MPRIP: variants seen among roughly 807,000 people sequenced by gnomAD.
The protein encoded by MPRIP is myosin phosphatase Rho-interacting protein.
MPRIP carries 59 observed loss-of-function variants against 234.9 expected under a neutral mutation model. The observed-to-expected ratio is 0.25, with a 90% CI of 0.20 to 0.31. The LOEUF is 0.31. MPRIP is among the 10% of genes least tolerant of loss of function. The pLI is 1.00. For synonymous variants in MPRIP, 1,144 were observed against 1,263.9 expected (o/e 0.91, Z 2.01); for missense variants, 2,436 against 3,071.0 (o/e 0.79, Z 4.89).
At chr17:17,126,164 C>T (rs1567732158) in intron 3 of MPRIP, among the ~76,000 whole-genome samples, 1 of 152,188 alleles carries the variant, frequency 6.6e-6, no homozygotes, top group South Asian at 2.1e-4. Context: ...GGTGTGGCAG[C>T]CTTTGCTGGG....
At chr17:17,128,655 G>A (rs111956775) in intron 4 of MPRIP, among the ~76,000 whole-genome samples, 18 of 152,072 alleles carry the variant, frequency 1.2e-4, no homozygotes, top group South Asian at 6.2e-4. Context: ...CCTTCCCCTC[G>A]CCCTGGTTGT....
chr17:17,061,192 C>T (rs181816686), intron 1 of MPRIP, among the ~76,000 whole-genome samples: 85 of 152,320 alleles, frequency 5.6e-4, no homozygotes, highest in Non-Finnish European at 8.8e-4. Context: ...AAGGTCTTGG[C>T]AGGGGTGAGG....
At chr17:17,123,422 G>T (rs2090430304) in intron 3 of MPRIP, among the ~76,000 whole-genome samples, 2 of 152,180 alleles carry the variant, frequency 1.3e-5, no homozygotes, top group South Asian at 4.1e-4. Flanking sequence ...CAGCACTGTG[G>T]GAGGCTGAAG....
At chr17:17,172,353 C>G (rs17794784) in intron 17 of MPRIP, among the ~76,000 whole-genome samples, 80,111 of 152,194 alleles carry the variant, frequency 0.53, 25,169 homozygotes, top group East Asian at 0.68. Context: ...AATTTAGTTC[C>G]AAGGAAGAAA....
At chr17:17,136,588 G>A in intron 6 of MPRIP, 138 bp downstream of exon 6, 2 of 819,760 alleles carry the variant, frequency 2.4e-6, no homozygotes, top group Non-Finnish European at 3.9e-6. Context: ...TCAGCCCTGG[G>A]GGTAGCACCT....
chr17:17,136,755 G>A (rs1206390868), intron 6 of MPRIP, among the ~76,000 whole-genome samples: 1 of 152,186 alleles, frequency 6.6e-6, no homozygotes, highest in African/African-American at 2.4e-5. Context: ...TCTGTGGATG[G>A]GAAGGCCTCT....
intron 1 of MPRIP, among the ~76,000 whole-genome samples, chr17:17,050,955 G>A (rs952264112): frequency 6.6e-6 from 1 of 152,182 alleles, no homozygotes; most frequent in South Asian, 2.1e-4. Flanking sequence ...CTTTTCCTCT[G>A]ATTTCTCTTT....
intron 2 of MPRIP, among the ~76,000 whole-genome samples, chr17:17,076,796 G>T (rs1035157132): frequency 6.6e-6 from 1 of 152,090 alleles, no homozygotes; most frequent in Non-Finnish European, 1.5e-5. Context: ...TATCAAGGTT[G>T]TACAAAATTG....
At chr17:17,072,722 T>C (rs1454220672) in intron 1 of MPRIP, among the ~76,000 whole-genome samples, 1 of 152,024 alleles carries the variant, frequency 6.6e-6, no homozygotes, top group African/African-American at 2.4e-5. Flanking sequence ...GTGGTGGTGA[T>C]ATAGCTGGCC....
chr17:17,121,969 A>G (rs537161406), intron 3 of MPRIP, among the ~76,000 whole-genome samples: 17 of 152,176 alleles, frequency 1.1e-4, no homozygotes, highest in Non-Finnish European at 2.5e-4. Flanking sequence ...AGCTCCATCC[A>G]TGTCCCTGCA....
chr17:17,140,530 C>T (rs1461950769), intron 7 of MPRIP, among the ~76,000 whole-genome samples: 1 of 152,132 alleles, frequency 6.6e-6, no homozygotes, highest in East Asian at 1.9e-4. Context: ...ATTCCTGTCC[C>T]CTGGTTGATT....
intron 1 of MPRIP, among the ~76,000 whole-genome samples, chr17:17,065,901 T>C (rs1257491070): frequency 6.6e-6 from 1 of 152,228 alleles, no homozygotes; most frequent in Admixed American, 6.5e-5. Context: ...TATTTCTTTT[T>C]TTTGAAGCAA....
At chr17:17,127,167 CAT>C (rs1331864442) in intron 4 of MPRIP, among the ~76,000 whole-genome samples, 1 of 152,232 alleles carries the variant, frequency 6.6e-6, no homozygotes. Context: ...GTCCCTGAAT[CAT>C]ATGACCTGGG....
At chr17:17,043,651 T>G (rs2088253119) in intron 1 of MPRIP, among the ~76,000 whole-genome samples, 1 of 152,172 alleles carries the variant, frequency 6.6e-6, no homozygotes, top group Non-Finnish European at 1.5e-5. Context: ...ATTAGAGTCA[T>G]AGCCATTAAA....
At chr17:17,054,764 T>G (rs2088642919) in intron 1 of MPRIP, among the ~76,000 whole-genome samples, 2 of 151,656 alleles carry the variant, frequency 1.3e-5, no homozygotes, top group Admixed American at 6.6e-5. Flanking sequence ...TTTAAGAATT[T>G]TTAGGTCAGG....
rs575482060 is a variant in MPRIP, at chr17:17,188,841, C to T, written c.*3947C>T. 1 of 152,236 alleles carries T rather than the reference C, an allele frequency of 6.6e-6. No individual in the cohort carries two copies. The highest frequency in any genetic ancestry group is 2.1e-4 in the South Asian group (1 of 4,832). The allele number at this position is 152,236 out of a possible 1,614,324, so 9.4% of individuals were successfully genotyped here. On this transcript the variant is annotated 3_prime_UTR_variant, in exon 24 of 24. Transcript: ENST00000651222. ...GGCCAAGGCCACCCTGTGTGGGGTC[C>T]CTGTTGGCAGCCAGGTCCCTACACA... is the stretch of plus-strand genomic sequence containing the variant.
chr17:17,095,901 C>G (rs1224249491), intron 3 of MPRIP, among the ~76,000 whole-genome samples: 1 of 152,202 alleles, frequency 6.6e-6, no homozygotes, highest in African/African-American at 2.4e-5. Context: ...AGGCCACTTT[C>G]CATGTATCCA....
At chr17:17,131,792 C>A in intron 5 of MPRIP, 91 bp downstream of exon 5, 1 of 1,168,560 alleles carries the variant, frequency 8.6e-7, no homozygotes, top group Non-Finnish European at 1.3e-6. Context: ...GGTGAGGACA[C>A]AGTCAGGCCA....
chr17:17,164,606 C>T lies in MPRIP; in HGVS notation c.3015C>T (p.Gly1005=), dbSNP rs1351388806. Residue 1005 remains glycine, a synonymous_variant, in exon 16 of 24, where the codon GGC becomes GGT. Coordinates refer to ENST00000651222, the MANE Select transcript of MPRIP (RefSeq NM_001364716.4). The part of the protein sequence containing the change: ...ERIADLSQQL[G]ASEQAQRLME... Reference sequence around the variant, plus strand: ...TTGCCGACCTCAGCCAGCAACTGGGCGCCAGTGAGCAGGCGCAGCGGCTGA... The same window carrying T: ...TTGCCGACCTCAGCCAGCAACTGGGTGCCAGTGAGCAGGCGCAGCGGCTGA... 3.4e-5 allele frequency: 41 copies of T among 1,213,622 alleles called. No homozygotes were observed. The highest frequency in any genetic ancestry group is 2.5e-4 in the Middle Eastern group (1 of 4,022). The allele number at this position is 1,213,622 out of a possible 1,614,324, so 75.2% of individuals were successfully genotyped here.
Sources: gnomAD v4.1 joint callset for allele counts (sites outside exome capture counted in the v4.1 genomes callset) on GRCh38, gnomAD v4.1.1 for gene constraint, MANE v1.5 for transcripts, NCBI Gene and HGNC (gene_info 2026-07-23, HGNC 2026-07-21) for gene names.